TBC1D2B: variants seen among roughly 807,000 people sequenced by gnomAD.
The protein encoded by TBC1D2B is TBC1 domain family, member 2B.
Under a neutral mutation model 100.8 loss-of-function variants are expected in TBC1D2B, and 64 were observed. The ratio of observed to expected loss-of-function variants is 0.64; its 90% CI spans 0.52 to 0.78. TBC1D2B has a LOEUF of 0.78. Ranked by LOEUF, TBC1D2B falls within the 30% of genes least tolerant of loss-of-function variation. The pLI, the probability that TBC1D2B is intolerant of heterozygous loss-of-function variation, is 0.00. For missense variants in TBC1D2B, 1,052 were observed against 1,218.4 expected (o/e 0.86, Z 2.03); for synonymous variants, 480 against 479.7 (o/e 1.00, Z -0.01).
rs993415637 is a variant in TBC1D2B, at chr15:78,024,305, C to T, written c.1321G>A (p.Gly441Arg). ...GCTTGGATGGTCTCCATGAGCATTCCCAGCTGCTCGTTGAGCTCGCCCACT... is the reference window on the plus strand; with the variant it reads ...GCTTGGATGGTCTCCATGAGCATTCTCAGCTGCTCGTTGAGCTCGCCCACT... ...SKVGELNEQL[G>R]MLMETIQAKD... The change falls in exon 6 of 13, where the codon GGA (glycine) becomes AGA (arginine). Residue 441 changes from glycine (G) to arginine (R), a missense_variant. Physicochemically the swap from Gly to Arg is moderately radical, Grantham distance 125. Around this residue, in one of 4 missense-constraint regions of TBC1D2B, gnomAD observed 627 missense variants for 646.1 expected, o/e 0.97. Coordinates refer to ENST00000300584, the MANE Select transcript of TBC1D2B (RefSeq NM_144572.2). 15 of 1,613,928 alleles carry T rather than the reference C, an allele frequency of 9.3e-6. No individual in the cohort carries two copies. In the African/African-American group the frequency reaches 2.0e-4, roughly 22 times the overall value.
chr15:78,042,401 G>A (rs1381117520), intron 3 of TBC1D2B, among the ~76,000 whole-genome samples: 2 of 152,166 alleles, frequency 1.3e-5, no homozygotes, highest in South Asian at 2.1e-4. Flanking sequence ...GTTCAGCTCG[G>A]CCACACACTT....
intron 3 of TBC1D2B, among the ~76,000 whole-genome samples, chr15:78,031,449 G>A (rs1345380629): frequency 6.7e-6 from 1 of 150,054 alleles, no homozygotes; most frequent in Non-Finnish European, 1.5e-5. Flanking sequence ...AGCTACTCGG[G>A]AGGCTGAGGC....
chr15:78,071,490 G>A (rs1355203414), intron 1 of TBC1D2B, among the ~76,000 whole-genome samples: 2 of 152,310 alleles, frequency 1.3e-5, no homozygotes, highest in African/African-American at 4.8e-5. Flanking sequence ...TGCTATAACA[G>A]TGTCCTTGGA....
In TBC1D2B at chr15:78,025,362, C is replaced by T; in HGVS notation, c.983G>A (p.Ser328Asn). ...GDPSSEGTSG[S>N]GSVSIRKPAS... ...CGGCTTCCTGATGCTGACGCTGCCA[C>T]TGCCTGATGTGCCTTCACTTGAAGG... The change falls in exon 5 of 13, where the codon AGT becomes AAT. Residue 328 changes from serine (S) to asparagine (N), a missense_variant. Transcript: ENST00000300584. 5 of 1,614,018 alleles carry T rather than the reference C, an allele frequency of 3.1e-6. No individual in the cohort carries two copies. The South Asian group carries it at 5.5e-5, about 18-fold the overall frequency.
chr15:78,005,369 G>C (rs1567012467), intron 10 of TBC1D2B, among the ~76,000 whole-genome samples: 3 of 152,232 alleles, frequency 2.0e-5, no homozygotes, highest in Non-Finnish European at 4.4e-5. Context: ...ACAAGCATGT[G>C]GACTGCAGTA....
At chr15:78,009,531 C>A (rs1245776107) in intron 9 of TBC1D2B, among the ~76,000 whole-genome samples, 1 of 151,190 alleles carries the variant, frequency 6.6e-6, no homozygotes, top group Non-Finnish European at 1.5e-5. Flanking sequence ...CAGAACAAGA[C>A]CTTGTCTCAT....
intron 2 of TBC1D2B, among the ~76,000 whole-genome samples, chr15:78,050,389 T>C (rs1166923795): frequency 1.3e-5 from 2 of 152,230 alleles, no homozygotes; most frequent in Non-Finnish European, 2.9e-5. Flanking sequence ...ATGAGTGCTT[T>C]AGTACTCATG....
intron 9 of TBC1D2B, 61 bp downstream of exon 9, chr15:78,012,762 C>T (rs1368911692): frequency 1.4e-6 from 2 of 1,386,736 alleles, no homozygotes; most frequent in Non-Finnish European, 1.9e-6. Context: ...AGCTGCCAGG[C>T]AGCACCGGTG....
Position 77,995,293 on chromosome 15 carries a change from C to T in TBC1D2B, c.*2867G>A, listed in dbSNP as rs540288963. 2.6e-4 allele frequency: 39 copies of T among 152,310 alleles called. No homozygotes were observed. Among genetic ancestry groups the T allele is most frequent in the East Asian group, 5.8e-4 (3 of 5,180 alleles). The allele number at this position is 152,310 out of a possible 1,614,324, so 9.4% of individuals were successfully genotyped here. A position where few individuals can be genotyped will look rare whatever the true frequency, so the allele number is the denominator to read the frequency against. ...CAAACATGTAGCTAGAAAACCCAAC[C>T]GAGGATCTGTCTAGAATACTTCCGA... On this transcript the variant is annotated 3_prime_UTR_variant, in exon 13 of 13. Transcript: ENST00000300584.
chr15:78,031,857 C>T (rs1015438494), intron 3 of TBC1D2B, among the ~76,000 whole-genome samples: 3 of 152,120 alleles, frequency 2.0e-5, no homozygotes, highest in Non-Finnish European at 4.4e-5. Context: ...TCAGGCAGCA[C>T]AGGACACTGA....
chr15:78,054,808 C>T (rs1182242312), intron 1 of TBC1D2B, among the ~76,000 whole-genome samples: 1 of 152,130 alleles, frequency 6.6e-6, no homozygotes, highest in African/African-American at 2.4e-5. Flanking sequence ...CATACACTTA[C>T]CAAGTAACCT....
intron 8 of TBC1D2B, among the ~76,000 whole-genome samples, chr15:78,016,312 T>C (rs1000022624): frequency 3.9e-5 from 6 of 152,106 alleles, no homozygotes; most frequent in Admixed American, 3.3e-4. Context: ...AAGGCTCCCT[T>C]ACTTACACGA....
intron 8 of TBC1D2B, among the ~76,000 whole-genome samples, chr15:78,015,334 G>T (rs2072343992): frequency 6.6e-6 from 1 of 152,290 alleles, no homozygotes; most frequent in Middle Eastern, 3.4e-3. Flanking sequence ...GTTGCACACA[G>T]GGGTATATGT....
intron 6 of TBC1D2B, among the ~76,000 whole-genome samples, chr15:78,021,528 T>G (rs1033656290): frequency 5.3e-5 from 8 of 152,200 alleles, no homozygotes; most frequent in African/African-American, 1.9e-4. Flanking sequence ...GAGACCTGCA[T>G]GAGGTGTGAA....
intron 3 of TBC1D2B, among the ~76,000 whole-genome samples, chr15:78,038,863 C>T (rs2073009900): frequency 6.6e-6 from 1 of 152,202 alleles, no homozygotes; most frequent in Admixed American, 6.5e-5. Flanking sequence ...GTGTCATACA[C>T]CGATGGCCCT....
At chr15:78,017,818 G>T in intron 7 of TBC1D2B, 29 bp downstream of exon 7, 1 of 1,448,822 alleles carries the variant, frequency 6.9e-7, no homozygotes, top group Non-Finnish European at 9.6e-7. Context: ...CCTCCCACCA[G>T]GTAATAGAAT....
At chr15:78,017,138 C>T in intron 7 of TBC1D2B, 1 of 165,544 alleles carries the variant, frequency 6.0e-6, no homozygotes, top group Non-Finnish European at 1.3e-5. Flanking sequence ...CCAGGACTAG[C>T]TCCCATCTGC....
chr15:78,025,215 G>T, intron 5 of TBC1D2B, 44 bp downstream of exon 5: 8 of 1,555,312 alleles, frequency 5.1e-6, no homozygotes, highest in Non-Finnish European at 7.1e-6. Flanking sequence ...CCCGTCCTTG[G>T]CCTGCTGAGG....
At chr15:78,058,182 T>C (rs1429722982) in intron 1 of TBC1D2B, among the ~76,000 whole-genome samples, 3 of 152,250 alleles carry the variant, frequency 2.0e-5, no homozygotes, top group Admixed American at 6.5e-5. Context: ...GGCTCACATC[T>C]TATCTTTACT....
Sources: gnomAD v4.1 joint callset for allele counts (sites outside exome capture counted in the v4.1 genomes callset) on GRCh38, gnomAD v4.1.1 for gene constraint, gnomAD v4.1.1 regional missense constraint, MANE v1.5 for transcripts, NCBI Gene and HGNC (gene_info 2026-07-23, HGNC 2026-07-21) for gene names.